FRY: variants seen among roughly 807,000 people sequenced by gnomAD.
FRY encodes the protein protein furry homolog.
In FRY, 128 loss-of-function variants were observed where a neutral mutation model predicts 348.4. The ratio of observed to expected loss-of-function variants is 0.37; its 90% confidence interval spans 0.32 to 0.43. FRY has a LOEUF of 0.43. Ranked by LOEUF, FRY falls within the 20% of genes least tolerant of loss-of-function variation. FRY has a pLI of 1.00. For synonymous variants in FRY, 1,370 were observed against 1,374.7 expected, an observed-to-expected ratio of 1.00 and a Z score of 0.08; for missense variants, 2,736 against 3,695.2, an observed-to-expected ratio of 0.74 and a Z score of 6.73.
intron 1 of FRY, among the ~76,000 whole-genome samples, chr13:32,055,140 G>T (rs998884915): frequency 5.3e-5 from 8 of 152,210 alleles, no homozygotes; most frequent in Non-Finnish European, 1.0e-4. Flanking sequence ...TCCTTCCTGG[G>T]TTTAAGCCAT....
At chr13:32,280,303 T>C (rs930520204) in intron 58 of FRY, among the ~76,000 whole-genome samples, 2 of 152,236 alleles carry the variant, frequency 1.3e-5, no homozygotes, top group African/African-American at 2.4e-5. Context: ...GAATTGAATA[T>C]ACAGTTCAAA....
chr13:32,292,672 A>G (rs1420732546), intron 59 of FRY, among the ~76,000 whole-genome samples: 2 of 152,026 alleles, frequency 1.3e-5, no homozygotes, highest in Non-Finnish European at 2.9e-5. Context: ...CGTGCCCGTA[A>G]TCCCAGCTAC....
chr13:32,236,211 C>CTCCTG, intron 43 of FRY, 39 bp downstream of exon 43: 5 of 1,352,914 alleles, frequency 3.7e-6, no homozygotes, highest in Non-Finnish European at 5.3e-6. Context: ...ATCAAGTATA[C>CTCCTG]TGCACAGGAG....
At chr13:32,211,954 C>G (rs887620678) in intron 34 of FRY, among the ~76,000 whole-genome samples, 1 of 152,188 alleles carries the variant, frequency 6.6e-6, no homozygotes, top group Admixed American at 6.5e-5. Flanking sequence ...TTTAGTAACT[C>G]CTGGACCCAG....
Position 32,184,976 on chromosome 13 carries a change from C to T in FRY, c.3147C>T (p.Ser1049=). ...LLADAGVISD[S]TNGALERDTL... ...AAAGTTTCATTTTCCTTTATTCCAG[C>T]ACAAATGGAGCCCTAGAGCGGGATA... Residue 1049 remains serine, a splice_region_variant and synonymous_variant, in exon 26 of 61, where the codon AGC becomes AGT. Coordinates refer to ENST00000542859, the MANE Select transcript of FRY (RefSeq NM_023037.3). 1 of 1,613,350 alleles carries T rather than the reference C, an allele frequency of 6.2e-7. No homozygotes were observed. The highest frequency in any genetic ancestry group is 8.5e-7 in the Non-Finnish European group (1 of 1,179,434).
At chr13:32,091,432 T>C (rs1294057925) in intron 2 of FRY, among the ~76,000 whole-genome samples, 1 of 152,238 alleles carries the variant, frequency 6.6e-6, no homozygotes, top group Non-Finnish European at 1.5e-5. Flanking sequence ...GCTCACTCTT[T>C]AGATGTTTTT....
chr13:32,034,097 A>T (rs985987060), intron 1 of FRY, among the ~76,000 whole-genome samples: 12 of 152,338 alleles, frequency 7.9e-5, no homozygotes, highest in Non-Finnish European at 1.5e-4. Context: ...AGAGGTGAGG[A>T]TGTCTGCCCA....
intron 14 of FRY, among the ~76,000 whole-genome samples, chr13:32,150,231 A>G (rs992112678): frequency 6.6e-5 from 10 of 152,230 alleles, no homozygotes; most frequent in South Asian, 2.1e-4. Flanking sequence ...AAATAGTAAA[A>G]CAATGAAATT....
intron 16 of FRY, among the ~76,000 whole-genome samples, chr13:32,158,113 C>T (rs1013490505): frequency 1.4e-4 from 22 of 152,102 alleles, no homozygotes; most frequent in African/African-American, 5.3e-4. Flanking sequence ...AAGATTGTTA[C>T]CTATATAGAG....
intron 14 of FRY, among the ~76,000 whole-genome samples, chr13:32,152,358 T>C (rs1196389113): frequency 2.0e-5 from 3 of 152,204 alleles, no homozygotes; most frequent in Non-Finnish European, 4.4e-5. Flanking sequence ...TAGCATGGCC[T>C]GATTTCAGGA....
chr13:32,290,910 C>T (rs1298648429), intron 59 of FRY, among the ~76,000 whole-genome samples: 1 of 152,016 alleles, frequency 6.6e-6, no homozygotes, highest in African/African-American at 2.4e-5. Flanking sequence ...AAAGCTGAAA[C>T]AGGGATATAA....
chr13:32,134,924 C>A lies in FRY; in HGVS notation c.906C>A (p.Leu302=), dbSNP rs34037604. ...QFMQECAHYF[L]EVKDKDIKHA... The stretch of plus-strand genomic sequence containing the variant: ...CCCAGGAATGTGCACATTACTTCCT[C>A]GAGGTCAAAGACAAAGATATCAAGC... The change falls in exon 9 of 61, where the codon CTC becomes CTA. Residue 302 remains leucine (L), a synonymous_variant. Coordinates refer to ENST00000542859, the MANE Select transcript of FRY (RefSeq NM_023037.3). 1 of 1,610,458 alleles carries A rather than the reference C, an allele frequency of 6.2e-7. No individual in the cohort carries two copies. Among genetic ancestry groups the A allele is most frequent in the Admixed American group, 1.7e-5 (1 of 59,990 alleles).
intron 36 of FRY, among the ~76,000 whole-genome samples, chr13:32,220,054 C>T (rs573429895): frequency 3.3e-5 from 5 of 152,158 alleles, no homozygotes; most frequent in Admixed American, 1.3e-4. Context: ...AACCAAAGAA[C>T]GCTCCCAGTG....
chr13:32,086,854 A>C (rs950160029), intron 2 of FRY, among the ~76,000 whole-genome samples: 4 of 152,186 alleles, frequency 2.6e-5, no homozygotes, highest in Non-Finnish European at 5.9e-5. Flanking sequence ...TTATGACGAA[A>C]GATGAGTGAA....
At chr13:32,046,974 G>C (rs1873047539) in intron 1 of FRY, among the ~76,000 whole-genome samples, 2 of 152,106 alleles carry the variant, frequency 1.3e-5, no homozygotes, top group Non-Finnish European at 2.9e-5. Context: ...ATGTGACCTT[G>C]AGCAAGTTAC....
At chr13:32,186,913 C>A (rs1320217625) in intron 27 of FRY, among the ~76,000 whole-genome samples, 1 of 152,120 alleles carries the variant, frequency 6.6e-6, no homozygotes, top group Admixed American at 6.6e-5. Context: ...TCTCAGATTA[C>A]CTTTGCCTCG....
chr13:32,047,584 G>C (rs937257458), intron 1 of FRY, among the ~76,000 whole-genome samples: 1 of 148,628 alleles, frequency 6.7e-6, no homozygotes. Context: ...TTTTTTTTGG[G>C]GGGGGTGCAG....
At chr13:32,266,521 A>G (rs115086191) in intron 54 of FRY, among the ~76,000 whole-genome samples, 1,553 of 152,314 alleles carry the variant, frequency 0.01, 25 homozygotes, top group African/African-American at 0.027. Flanking sequence ...TGAAGAATGA[A>G]ACTGCCAAAG....
chr13:32,265,562 T>G lies in FRY; in HGVS notation c.7892T>G (p.Met2631Arg). 2 of 1,614,184 alleles carry G rather than the reference T, an allele frequency of 1.2e-6. No individual in the cohort carries two copies. Among genetic ancestry groups the G allele is most frequent in the South Asian group, 1.1e-5 (1 of 91,084 alleles). The change falls in exon 54 of 61, where the codon ATG becomes AGG. Residue 2631 changes from methionine to arginine, a missense_variant. Met to Arg is a moderately conservative substitution (Grantham distance 91). Coordinates refer to ENST00000542859, the MANE Select transcript of FRY (RefSeq NM_023037.3). ...FECSDSFSLD[M>R]TEGEEKGNRA... ...TGCAGCGACAGCTTTAGCCTGGACA[T>G]GACTGAGGGGGAAGAAAAAGGCAAT...
Sources: gnomAD v4.1 joint callset for allele counts (sites outside exome capture counted in the v4.1 genomes callset) on GRCh38, gnomAD v4.1.1 for gene constraint, MANE v1.5 for transcripts, NCBI Gene and HGNC (gene_info 2026-07-23, HGNC 2026-07-21) for gene names.